The following ADGRL3 variants were observed in gnomAD, a reference collection of about 807,000 sequenced individuals.
ADGRL3 encodes the protein calcium-independent alpha-latrotoxin receptor 3.
ADGRL3 carries 62 observed loss-of-function variants against 153.5 expected under a neutral mutation model. The observed-to-expected ratio is 0.40, with a 90% CI of 0.33 to 0.50. ADGRL3 has a LOEUF of 0.50. ADGRL3 is among the 20% of genes least tolerant of loss of function. The probability of loss-of-function intolerance (pLI) is 0.47; values close to 1 mark genes in which losing one functional copy is unlikely to be tolerated. For synonymous variants in ADGRL3, 710 were observed against 672.5 expected (o/e 1.06, Z -0.86); for missense variants, 1,641 against 1,859.4 (o/e 0.88, Z 2.16).
chr4:61,213,948 T>C (rs536897756), intron 1 of ADGRL3, among the ~76,000 whole-genome samples: 2 of 152,292 alleles, frequency 1.3e-5, no homozygotes, highest in South Asian at 2.1e-4. Flanking sequence ...CAGATCCAGA[T>C]GCATCATTGC....
Position 61,510,282 on chromosome 4 carries a change from T to C in ADGRL3, c.56-7033T>C, listed in dbSNP as rs561242226. On this transcript the variant is annotated intron_variant, in intron 3 of 26. Transcript: ENST00000683033. The stretch of plus-strand genomic sequence containing the variant: ...AGTTTTATTAGGTCCCACTTGTCAA[T>C]TTTTGGTTTTGTTGCAATTGTTTTT... 1.6e-3 allele frequency among the ~76,000 whole-genome samples: 245 copies of C among 152,342 alleles called. 1 individual carries two copies. The highest frequency in any genetic ancestry group is 5.6e-3 in the African/African-American group (232 of 41,584).
chr4:61,963,073 A>G (rs968399267), intron 17 of ADGRL3, among the ~76,000 whole-genome samples: 1 of 152,112 alleles, frequency 6.6e-6, no homozygotes, highest in African/African-American at 2.4e-5. Context: ...ACTTCCTAGG[A>G]CAGTTTGTTT....
chr4:61,445,236 C>T (rs1222772444), intron 2 of ADGRL3, among the ~76,000 whole-genome samples: 3 of 152,046 alleles, frequency 2.0e-5, no homozygotes, highest in Admixed American at 1.3e-4. Context: ...GATGATAGAT[C>T]CGCAAAGAAT....
chr4:62,054,791 C>T lies in ADGRL3; in HGVS notation c.3814+10242C>T, dbSNP rs529545986. Among the ~76,000 whole-genome samples the T allele has an allele frequency of 2.6e-5, 4 of 151,666 alleles. No homozygotes were observed. In the East Asian group the frequency reaches 7.7e-4, roughly 29 times the overall value. ...CAAATTAATAAATGAAATTCAACTG[C>T]CCAATAGAAATGTGGGCCAAAGATA... is the stretch of plus-strand genomic sequence containing the variant. On this transcript the variant is annotated intron_variant, in intron 25 of 26. Transcript: ENST00000683033.
intron 2 of ADGRL3, among the ~76,000 whole-genome samples, chr4:61,456,521 A>G (rs1337107954): frequency 6.9e-6 from 1 of 144,462 alleles, no homozygotes; most frequent in Non-Finnish European, 1.5e-5. Context: ...ATAACTATAT[A>G]TACGTCACAC....
chr4:62,029,293 G>A (rs1202360196), intron 22 of ADGRL3, among the ~76,000 whole-genome samples: 2 of 151,586 alleles, frequency 1.3e-5, no homozygotes, highest in Middle Eastern at 3.4e-3. Flanking sequence ...ATGATCTTAC[G>A]GGTATAAAAC....
rs542463558 is a variant in ADGRL3 at position 61,837,525 on chromosome 4, T to C, written c.1480+23636T>C. ...ATAATGTTCATCTATACAGGTATGA[T>C]TGGTCTATTTGTCTTCCTTAGGGCA... On this transcript the variant is annotated intron_variant, in intron 9 of 26. Coordinates refer to ENST00000683033, the MANE Select transcript of ADGRL3 (RefSeq NM_001387552.1). Among the ~76,000 whole-genome samples, 4 of 152,224 alleles carry C rather than the reference T, an allele frequency of 2.6e-5. No homozygotes were observed. The South Asian group carries it at 8.3e-4, about 32-fold the overall frequency.
rs944023250 is a variant in ADGRL3 at position 61,266,637 on chromosome 4, A to G, written c.-240+64872A>G. 4.6e-5 allele frequency among the ~76,000 whole-genome samples: 7 copies of G among 151,958 alleles called. No homozygotes were observed. In the South Asian group the frequency reaches 1.5e-3, roughly 31 times the overall value. On this transcript the variant is annotated intron_variant, in intron 1 of 26. Coordinates refer to ENST00000683033, the MANE Select transcript of ADGRL3 (RefSeq NM_001387552.1). ...GACTAATATAAAAACATAGCGATAC[A>G]AATTTAATGACATAATTCTGAGTGT...
At chr4:61,994,589 T>G (rs2099115410) in intron 19 of ADGRL3, among the ~76,000 whole-genome samples, 1 of 151,936 alleles carries the variant, frequency 6.6e-6, no homozygotes. Context: ...ATAATAAACA[T>G]CATTGCCTCC....
At chr4:61,929,122 A>G (rs1289704293) in intron 13 of ADGRL3, among the ~76,000 whole-genome samples, 1 of 152,090 alleles carries the variant, frequency 6.6e-6, no homozygotes, top group Admixed American at 6.5e-5. Flanking sequence ...ACTCCCCGGT[A>G]TAGTGGTGTT....
In ADGRL3 at chr4:61,258,720, C is replaced by T. The variant is rs571669467; in HGVS notation, c.-240+56955C>T. On this transcript the variant is annotated intron_variant, in intron 1 of 26. Coordinates refer to ENST00000683033, the MANE Select transcript of ADGRL3 (RefSeq NM_001387552.1). ...CCAGTGGGAGCGTACACCCAGTGTA[C>T]TATTCTTTCTTCTTCTTTGTAGCCC... is the stretch of plus-strand genomic sequence containing the variant. 3.0e-4 allele frequency among the ~76,000 whole-genome samples: 46 copies of T among 152,248 alleles called. No individual in the cohort carries two copies. The South Asian group carries it at 8.1e-3, about 27-fold the overall frequency.
chr4:61,965,337 A>G (rs1204196470), intron 17 of ADGRL3, among the ~76,000 whole-genome samples: 1 of 152,124 alleles, frequency 6.6e-6, no homozygotes, highest in Non-Finnish European at 1.5e-5. Flanking sequence ...TCTAGTAAAT[A>G]AAGTGATAAA....
chr4:61,608,546 T>A (rs4383643), intron 5 of ADGRL3, among the ~76,000 whole-genome samples: 142,092 of 152,266 alleles, frequency 0.93, 66,583 homozygotes, highest in Middle Eastern at 0.99. Context: ...TAATGTATTA[T>A]AGTTTGTTAC....
In ADGRL3 at chr4:61,310,135, C is replaced by T. The variant is rs1348858047; in HGVS notation, c.-239-72989C>T. On this transcript the variant is annotated intron_variant, in intron 1 of 26. Transcript: ENST00000683033. ...ATCTAGAAGACATTCCAGATAGTCT[C>T]TCTTGATGCCCACTTTCTGAGATCA... is the stretch of plus-strand genomic sequence containing the variant. Among the ~76,000 whole-genome samples the T allele has an allele frequency of 3.3e-5, 5 of 151,610 alleles. No homozygotes were observed. In the East Asian group the frequency reaches 7.9e-4, roughly 24 times the overall value.
intron 9 of ADGRL3, among the ~76,000 whole-genome samples, chr4:61,851,589 CAAAA>C (rs759990537): frequency 2.0e-3 from 113 of 55,186 alleles, no homozygotes; most frequent in African/African-American, 4.8e-3. Context: ...GACCATGTCT[CAAAA>C]AAAAAAAAAA....
chr4:62,012,566 T>G (rs2099191581), intron 21 of ADGRL3, among the ~76,000 whole-genome samples: 1 of 152,184 alleles, frequency 6.6e-6, no homozygotes, highest in Non-Finnish European at 1.5e-5. Context: ...TTTACTTAAC[T>G]CTTAGATATA....
intron 5 of ADGRL3, among the ~76,000 whole-genome samples, chr4:61,614,491 T>A (rs1405592655): frequency 6.6e-6 from 1 of 152,110 alleles, no homozygotes; most frequent in Non-Finnish European, 1.5e-5. Context: ...ATGACTAAAA[T>A]ATAAAGACTA....
intron 9 of ADGRL3, among the ~76,000 whole-genome samples, chr4:61,886,681 G>A (rs552353621): frequency 4.6e-5 from 7 of 151,738 alleles, no homozygotes; most frequent in African/African-American, 1.7e-4. Flanking sequence ...TCACTCTGTC[G>A]CCCAGGCTGT....
At chr4:61,609,629 C>T (rs997150902) in intron 5 of ADGRL3, among the ~76,000 whole-genome samples, 4 of 151,928 alleles carry the variant, frequency 2.6e-5, no homozygotes, top group Admixed American at 6.6e-5. Context: ...AGAGTTCTTC[C>T]TCCTGAATTT....
Sources: gnomAD v4.1 joint callset for allele counts (sites outside exome capture counted in the v4.1 genomes callset) on GRCh38, gnomAD v4.1.1 for gene constraint, MANE v1.5 for transcripts, NCBI Gene and HGNC (gene_info 2026-07-23, HGNC 2026-07-21) for gene names.